The following PCDH9 variants were observed in gnomAD, a reference collection of about 807,000 sequenced individuals.
PCDH9 encodes protocadherin-9.
PCDH9 carries 24 observed loss-of-function variants against 70.6 expected under a neutral mutation model. The ratio of observed to expected loss-of-function variants is 0.34; its 90% CI spans 0.25 to 0.48. The LOEUF is 0.48. PCDH9 is among the 20% of genes least tolerant of loss of function. The probability of loss-of-function intolerance (pLI) is 0.99; values close to 1 mark genes in which losing one functional copy is unlikely to be tolerated. For synonymous variants in PCDH9, 562 were observed against 558.5 expected, an observed-to-expected ratio of 1.01 and a Z score of -0.09; for missense variants, 1,281 against 1,503.6, an observed-to-expected ratio of 0.85 and a Z score of 2.45.
At chr13:66,973,957 T>A (rs1021417488) in intron 2 of PCDH9, among the ~76,000 whole-genome samples, 1 of 151,976 alleles carries the variant, frequency 6.6e-6, no homozygotes, top group Middle Eastern at 3.2e-3. Context: ...AATAATAGGA[T>A]TGCTATTTTG....
At chr13:66,933,675 G>A (rs1489952394) in intron 2 of PCDH9, among the ~76,000 whole-genome samples, 1 of 152,066 alleles carries the variant, frequency 6.6e-6, no homozygotes, top group Non-Finnish European at 1.5e-5. Flanking sequence ...CAGTTCTCCT[G>A]TTTAGATCTT....
intron 3 of PCDH9, chr13:66,876,918 C>T (rs994319642): frequency 1.3e-5 from 2 of 151,924 alleles, no homozygotes; most frequent in Admixed American, 6.6e-5. Context: ...CTCTCACATA[C>T]GGTAAGGGTT....
intron 4 of PCDH9, among the ~76,000 whole-genome samples, chr13:66,416,873 G>A (rs370517705): frequency 1.3e-5 from 2 of 152,230 alleles, no homozygotes; most frequent in East Asian, 1.9e-4. Context: ...CTGAGAAAAC[G>A]TCTTGAATGA....
intron 2 of PCDH9, among the ~76,000 whole-genome samples, chr13:67,032,237 G>A (rs1179080255): frequency 3.9e-5 from 6 of 152,248 alleles, no homozygotes; most frequent in South Asian, 2.1e-4. Flanking sequence ...TACACTTCCC[G>A]GGCTCAAGCC....
At chr13:66,818,889 G>A (rs1039699258) in intron 3 of PCDH9, among the ~76,000 whole-genome samples, 59 of 151,220 alleles carry the variant, frequency 3.9e-4, no homozygotes, top group Non-Finnish European at 8.5e-4. Flanking sequence ...GGCCGAGATC[G>A]CGCCACTGCA....
chr13:66,450,464 G>A (rs114680984), intron 4 of PCDH9, among the ~76,000 whole-genome samples: 2,086 of 152,204 alleles, frequency 0.014, 38 homozygotes, highest in African/African-American at 0.047. Context: ...TGAGGGCTCC[G>A]CAGAGACTTT....
At chr13:66,804,205 T>A (rs565217348) in intron 3 of PCDH9, among the ~76,000 whole-genome samples, 1 of 152,332 alleles carries the variant, frequency 6.6e-6, no homozygotes, top group South Asian at 2.1e-4. Flanking sequence ...TACTACATTG[T>A]GTTTTGGACA....
At chr13:66,874,212 A>T (rs2081754624) in intron 3 of PCDH9, among the ~76,000 whole-genome samples, 2 of 152,070 alleles carry the variant, frequency 1.3e-5, no homozygotes, top group African/African-American at 4.8e-5. Flanking sequence ...TTTCAGTAGC[A>T]ATCTAAACTT....
At chr13:67,141,776 G>A (rs927686421) in intron 2 of PCDH9, among the ~76,000 whole-genome samples, 3 of 150,662 alleles carry the variant, frequency 2.0e-5, no homozygotes, top group African/African-American at 7.3e-5. Flanking sequence ...AAGAAGTTGG[G>A]AAACAGAGTG....
intron 2 of PCDH9, among the ~76,000 whole-genome samples, chr13:67,010,136 C>G (rs2084425883): frequency 6.6e-6 from 1 of 151,988 alleles, no homozygotes; most frequent in Non-Finnish European, 1.5e-5. Context: ...AAGAGGTTTA[C>G]ACATATTAAT....
intron 2 of PCDH9, among the ~76,000 whole-genome samples, chr13:67,197,399 G>A (rs2089096128): frequency 6.6e-6 from 1 of 151,898 alleles, no homozygotes; most frequent in South Asian, 2.1e-4. Flanking sequence ...AATAGCTAGT[G>A]CTGGGAAAAG....
intron 2 of PCDH9, among the ~76,000 whole-genome samples, chr13:67,020,678 C>A (rs2084657815): frequency 6.6e-6 from 1 of 152,074 alleles, no homozygotes; most frequent in African/African-American, 2.4e-5. Flanking sequence ...AGATTTCAGT[C>A]AATAAACAAA....
At chr13:66,521,142 G>A (rs1418389770) in intron 4 of PCDH9, among the ~76,000 whole-genome samples, 1 of 152,086 alleles carries the variant, frequency 6.6e-6, no homozygotes, top group Non-Finnish European at 1.5e-5. Flanking sequence ...TGAGCAATCA[G>A]TTCTAAATTA....
intron 3 of PCDH9, among the ~76,000 whole-genome samples, chr13:66,678,010 A>G (rs2078268197): frequency 6.6e-6 from 1 of 152,186 alleles, no homozygotes; most frequent in Non-Finnish European, 1.5e-5. Context: ...AAAATCAGAA[A>G]GAGTAATTTT....
At chr13:66,644,539 C>A (rs933895880) in intron 3 of PCDH9, among the ~76,000 whole-genome samples, 1 of 151,942 alleles carries the variant, frequency 6.6e-6, no homozygotes, top group East Asian at 1.9e-4. Flanking sequence ...TAGCACTGTT[C>A]AATATTATGT....
intron 3 of PCDH9, among the ~76,000 whole-genome samples, chr13:66,655,344 TTTC>T (rs1423220198): frequency 6.6e-6 from 1 of 151,970 alleles, no homozygotes; most frequent in Non-Finnish European, 1.5e-5. Flanking sequence ...CTTTCCAGCA[TTTC>T]TTTATTCTCA....
chr13:66,930,483 A>AAT (rs1413829353), intron 2 of PCDH9, among the ~76,000 whole-genome samples: 1 of 152,120 alleles, frequency 6.6e-6, no homozygotes, highest in African/African-American at 2.4e-5. Flanking sequence ...TTGATCTATA[A>AAT]ATATAGGATA....
chr13:67,225,979 G>C lies in PCDH9; in HGVS notation c.2462C>G (p.Ala821Gly). Residue 821 changes from alanine (A) to glycine (G), a missense_variant, in exon 2 of 5, where the codon GCC (alanine) becomes GGC (glycine). Physicochemically the swap from Ala to Gly is moderately conservative, Grantham distance 60. Transcript: ENST00000377865. ...DYLTIMIAII[A>G]GAMVVIVVIF... is the part of the protein sequence containing the mutation. ...CACAACAATGACCACCATGGCACCG[G>C]CGATGATGGCAATCATGATGGTTAG... 6.2e-7 allele frequency: 1 copy of C among 1,614,062 alleles called. No homozygotes were observed. The highest frequency in any genetic ancestry group is 8.5e-7 in the Non-Finnish European group (1 of 1,179,980).
intron 4 of PCDH9, among the ~76,000 whole-genome samples, chr13:66,382,709 A>C (rs421365): frequency 1 from 152,127 of 152,336 alleles, 75,960 homozygotes; most frequent in Middle Eastern, 1. Context: ...ACAAGCTGTA[A>C]TATGATCTAA....
Sources: allele counts gnomAD v4.1 joint callset (sites outside exome capture counted in the v4.1 genomes callset), GRCh38; gene constraint gnomAD v4.1.1; transcripts MANE v1.5; gene names NCBI Gene and HGNC (gene_info 2026-07-23, HGNC 2026-07-21).